DENND4C: variants seen among roughly 807,000 people sequenced by gnomAD.
DENND4C encodes DENN domain-containing protein 4C.
Under a neutral mutation model 203.0 loss-of-function variants are expected in DENND4C, and 108 were observed. The ratio of observed to expected loss-of-function variants is 0.53; its 90% confidence interval spans 0.46 to 0.62. DENND4C has a LOEUF of 0.62. DENND4C is among the 20% of genes least tolerant of loss of function. The pLI is 0.00. For synonymous variants in DENND4C, 871 were observed against 792.4 expected, an observed-to-expected ratio of 1.10 and a Z score of -1.67; for missense variants, 2,481 against 2,301.2, an observed-to-expected ratio of 1.08 and a Z score of -1.60.
chr9:19,341,278 A>C (rs1821570342), intron 21 of DENND4C, among the ~76,000 whole-genome samples, 164 bp downstream of exon 21: 1 of 150,958 alleles, frequency 6.6e-6, no homozygotes, highest in Non-Finnish European at 1.5e-5. Context: ...GTAGTCTCTG[A>C]AGTTTTAAAA....
intron 12 of DENND4C, among the ~76,000 whole-genome samples, chr9:19,319,518 G>T (rs1263759255): frequency 6.7e-6 from 1 of 149,840 alleles, no homozygotes; most frequent in Non-Finnish European, 1.5e-5. Flanking sequence ...AAAAAGATTA[G>T]ATGGTACAAT....
chr9:19,344,539 G>T (rs1183886273), intron 22 of DENND4C, among the ~76,000 whole-genome samples: 2 of 152,198 alleles, frequency 1.3e-5, no homozygotes, highest in Non-Finnish European at 2.9e-5. Context: ...CTGTCGCCTA[G>T]GCTGGAGTGT....
intron 7 of DENND4C, among the ~76,000 whole-genome samples, chr9:19,298,952 T>A (rs1837998239): frequency 6.6e-6 from 1 of 152,154 alleles, no homozygotes; most frequent in Non-Finnish European, 1.5e-5. Context: ...AGTAGTTCCA[T>A]AAATTTTAAA....
At position 19,286,893 on chromosome 9, in the gene DENND4C, C is replaced by T. The variant is rs1405706072; in HGVS notation, c.430C>T (p.Arg144Ter). ...TTSQRIFITY[R>*]RAPPVRPQNS... is the part of the protein sequence containing the mutation. ...TTCACAAAGAATCTTTATCACTTATCGAAGGGCTCCTCCAGTTCGACCCCA... is the reference window on the plus strand; with the variant it reads ...TTCACAAAGAATCTTTATCACTTATTGAAGGGCTCCTCCAGTTCGACCCCA... The change falls in exon 3 of 33, where the codon CGA becomes TGA. Residue 144 changes from arginine (R) to a stop codon, truncating the protein, a stop_gained. Transcript: ENST00000434457. LOFTEE classifies it high-confidence loss of function. 2.4e-6 allele frequency: 3 copies of T among 1,231,948 alleles called. No homozygotes were observed. The African/African-American group carries it at 4.7e-5, about 19-fold the overall frequency. The allele number at this position is 1,231,948 out of a possible 1,614,324, so 76.3% of individuals were successfully genotyped here. A position where few individuals can be genotyped will look rare whatever the true frequency, so the allele number is the denominator to read the frequency against.
At chr9:19,253,843 T>C (rs556576514) in intron 1 of DENND4C, among the ~76,000 whole-genome samples, 115 of 152,276 alleles carry the variant, frequency 7.6e-4, no homozygotes, top group African/African-American at 2.5e-3. Context: ...ATGTGTGCTG[T>C]TCTAAACAGT....
intron 1 of DENND4C, among the ~76,000 whole-genome samples, chr9:19,274,967 T>A (rs922993103): frequency 2.0e-5 from 3 of 152,182 alleles, no homozygotes. Context: ...GTAGTCCACC[T>A]CTGACAGTTT....
intron 10 of DENND4C, among the ~76,000 whole-genome samples, chr9:19,311,829 A>T (rs887102433): frequency 2.0e-5 from 3 of 152,226 alleles, no homozygotes; most frequent in African/African-American, 7.2e-5. Flanking sequence ...CATTCACTGC[A>T]GTTAGAAGTG....
At chr9:19,286,709 T>C (rs1835285159) in intron 2 of DENND4C, 60 bp from the exon 3 acceptor site, 1 of 1,201,776 alleles carries the variant, frequency 8.3e-7, no homozygotes. Context: ...TATATATATG[T>C]ACATATGTAT....
chr9:19,326,235 C>T (rs757525130), intron 15 of DENND4C, 41 bp downstream of exon 15: 84 of 1,562,998 alleles, frequency 5.4e-5, no homozygotes, highest in Middle Eastern at 3.4e-4. Flanking sequence ...CACAGCCTAT[C>T]AGTTTCTTTT....
chr9:19,263,995 G>C (rs1157352887), intron 1 of DENND4C, among the ~76,000 whole-genome samples: 1 of 151,986 alleles, frequency 6.6e-6, no homozygotes, highest in Non-Finnish European at 1.5e-5. Context: ...GTCTGGTTTT[G>C]GTAACAGGTT....
intron 16 of DENND4C, among the ~76,000 whole-genome samples, chr9:19,331,283 A>T (rs1588935899): frequency 2.0e-5 from 3 of 151,294 alleles, no homozygotes; most frequent in Admixed American, 6.6e-5. Flanking sequence ...GCTCACTGCA[A>T]CTTCCCACTC....
intron 12 of DENND4C, among the ~76,000 whole-genome samples, chr9:19,323,182 C>T (rs1647193455): frequency 6.6e-6 from 1 of 152,150 alleles, no homozygotes; most frequent in Non-Finnish European, 1.5e-5. Flanking sequence ...CGCCTGTAAT[C>T]CCAGAACTTT....
At chr9:19,263,505 C>T (rs1233259316) in intron 1 of DENND4C, among the ~76,000 whole-genome samples, 2 of 151,482 alleles carry the variant, frequency 1.3e-5, no homozygotes, top group African/African-American at 2.4e-5. Flanking sequence ...TACAGGCGTG[C>T]GCCACCGTGC....
At chr9:19,345,518 A>G (rs1386097960) in intron 22 of DENND4C, among the ~76,000 whole-genome samples, 1 of 152,268 alleles carries the variant, frequency 6.6e-6, no homozygotes, top group Non-Finnish European at 1.5e-5. Context: ...CAAATATACA[A>G]TTCCTATAAG....
chr9:19,321,448 A>C (rs1842857620), intron 12 of DENND4C, among the ~76,000 whole-genome samples: 1 of 152,184 alleles, frequency 6.6e-6, no homozygotes, highest in Non-Finnish European at 1.5e-5. Context: ...CAACAGAAAA[A>C]AGGGAAGGAG....
chr9:19,348,464 A>C (rs1252823507), intron 23 of DENND4C, among the ~76,000 whole-genome samples: 3 of 152,200 alleles, frequency 2.0e-5, no homozygotes, highest in Non-Finnish European at 4.4e-5. Context: ...TTAAAGCTGT[A>C]AGAAGAGTGT....
intron 1 of DENND4C, 42 bp from the exon 2 acceptor site, chr9:19,276,116 A>G: frequency 9.5e-7 from 1 of 1,048,588 alleles, no homozygotes; most frequent in Non-Finnish European, 1.2e-6. Flanking sequence ...TGTCAGGATA[A>G]AGTATTTTAT....
chr9:19,276,551 G>A lies in DENND4C; in HGVS notation c.305+72G>A, dbSNP rs1832929907. On this transcript the variant is annotated intron_variant, in intron 2 of 32. Transcript: ENST00000434457. The stretch of plus-strand genomic sequence containing the variant: ...TTAAGGGCCATGGAAGTAGGAATTT[G>A]AAATCCTTGATAGTTTTATTATTAC... 8 of 878,932 alleles carry A rather than the reference G, an allele frequency of 9.1e-6. No homozygotes were observed. The East Asian group carries it at 2.7e-4, about 29-fold the overall frequency. 54.4% of individuals were successfully genotyped at this position (878,932 alleles called of 1,614,324 possible).
Position 19,356,989 on chromosome 9 carries a change from G to C in DENND4C, c.4799G>C (p.Ser1600Thr), listed in dbSNP as rs753834912. 42 of 1,613,394 alleles carry C rather than the reference G, an allele frequency of 2.6e-5. No individual in the cohort carries two copies. Among genetic ancestry groups the C allele is most frequent in the Non-Finnish European group, 3.4e-5 (40 of 1,179,704 alleles). Reference sequence around the variant, plus strand: ...TTATGTAGCTTTTTCCTGAAACCAAGTACCTCTGGTGACAGTTTACAAAGT... The same window carrying C: ...TTATGTAGCTTTTTCCTGAAACCAACTACCTCTGGTGACAGTTTACAAAGT... The part of the protein sequence containing the change: ...RGSASFFLKP[S>T]TSGDSLQSGS... The change falls in exon 27 of 33, where the codon AGT becomes ACT. Residue 1600 changes from serine to threonine, a missense_variant. Coordinates refer to ENST00000434457, the MANE Select transcript of DENND4C (RefSeq NM_001330640.2).
Sources: gnomAD v4.1 joint callset for allele counts (sites outside exome capture counted in the v4.1 genomes callset) on GRCh38, gnomAD v4.1.1 for gene constraint, MANE v1.5 for transcripts, NCBI Gene and HGNC (gene_info 2026-07-23, HGNC 2026-07-21) for gene names.